MAMDC4: variants seen among roughly 807,000 people sequenced by gnomAD.
The protein encoded by MAMDC4 is MAM domain containing 4.
In MAMDC4, 168 loss-of-function variants were observed where a neutral mutation model predicts 153.3. The ratio of observed to expected loss-of-function variants is 1.10; its 90% CI spans 0.97 to 1.25. MAMDC4 has a LOEUF of 1.25. Among genes scored for constraint, MAMDC4 ranks in the 50% most tolerant of loss-of-function variants. The pLI, the probability that MAMDC4 is intolerant of heterozygous loss-of-function variation, is 0.00. For synonymous variants in MAMDC4, 744 were observed against 651.5 expected, an observed-to-expected ratio of 1.14 and a Z score of -2.16; for missense variants, 1,701 against 1,542.8, an observed-to-expected ratio of 1.10 and a Z score of -1.72.
Position 136,853,766 on chromosome 9 carries a change from T to G in MAMDC4, c.455-11T>G. On this transcript the variant is annotated splice_polypyrimidine_tract_variant and intron_variant, in intron 4 of 26. Transcript: ENST00000317446. ...AGGGCCGCAGCTGCCCTGGGACCCC[T>G]GACATTGCAGATGTGGCTGAACTGC... 2 of 1,607,878 alleles carry G rather than the reference T, an allele frequency of 1.2e-6. No homozygotes were observed. Among genetic ancestry groups the G allele is most frequent in the South Asian group, 2.2e-5 (2 of 90,854 alleles).
At position 136,853,619 on chromosome 9, in the gene MAMDC4, G is replaced by T; in HGVS notation, c.403G>T (p.Glu135Ter). ...TAALRSPTLR[E>*]AASSCKLRLW... ...AGCCCTGCGCTCGCCAACCCTGCGA[G>T]AGGCAGCCTCCTCTTGCAAGCTGAG... Residue 135 changes from glutamate (E) to a stop codon, truncating the protein, a stop_gained, in exon 4 of 27, where the codon GAG (glutamate) becomes TAG (stop). Coordinates refer to ENST00000317446, the MANE Select transcript of MAMDC4 (RefSeq NM_206920.3). LOFTEE classifies it high-confidence loss of function. 1 of 1,612,472 alleles carries T rather than the reference G, an allele frequency of 6.2e-7. No individual in the cohort carries two copies. Among genetic ancestry groups the T allele is most frequent in the South Asian group, 1.1e-5 (1 of 91,080 alleles).
In MAMDC4 at chr9:136,857,602, A is replaced by T; in HGVS notation, c.2326+16A>T. ...ACAGCCCAAGGTATGGGGGCCTGGC[A>T]GGGGCAGGGATTGAGGGGCTGGCCA... On this transcript the variant is annotated intron_variant, in intron 18 of 26. Coordinates refer to ENST00000317446, the MANE Select transcript of MAMDC4 (RefSeq NM_206920.3). The T allele has an allele frequency of 1.2e-6, 2 of 1,612,474 alleles. No individual in the cohort carries two copies. Among genetic ancestry groups the T allele is most frequent in the Middle Eastern group, 1.6e-4 (1 of 6,062 alleles).
chr9:136,853,474 GTC>G lies in MAMDC4; in HGVS notation c.328+20_328+21del, dbSNP rs777626946. 24 of 1,607,746 alleles carry G rather than the reference GTC, an allele frequency of 1.5e-5. No individual in the cohort carries two copies. Among genetic ancestry groups the G allele is most frequent in the Non-Finnish European group, 1.9e-5 (22 of 1,176,622 alleles). On this transcript the variant is annotated intron_variant, in intron 3 of 26. Coordinates refer to ENST00000317446, the MANE Select transcript of MAMDC4 (RefSeq NM_206920.3). ...ACCGACTTGGGTGAGGCCAGGGCAA[GTC>G]TCTGTGCGCCCCTGTCCCAATACCC...
At chr9:136,859,487 C>T in intron 25 of MAMDC4, 170 bp downstream of exon 25, 3 of 681,554 alleles carry the variant, frequency 4.4e-6, no homozygotes, top group Middle Eastern at 4.1e-4. Context: ...CTCTGCCCTG[C>T]TCACCCCTGG....
rs763573731 is a variant in MAMDC4, at chr9:136,854,757, C to T, written c.935-5C>T. The T allele has an allele frequency of 5.6e-5, 90 of 1,612,644 alleles. No homozygotes were observed. The Middle Eastern group carries it at 9.9e-4, about 18-fold the overall frequency. On this transcript the variant is annotated splice_region_variant and splice_polypyrimidine_tract_variant and intron_variant, in intron 8 of 26. Transcript: ENST00000317446. ...GCCCTGGCCCACTCCCGTCCTTTCC[C>T]GCAGGCTCCTTCCTGGTCTCCGTGG...
intron 25 of MAMDC4, 33 bp downstream of exon 25, chr9:136,859,350 A>G (rs757408197): frequency 6.4e-7 from 1 of 1,568,338 alleles, no homozygotes; most frequent in South Asian, 1.2e-5. Flanking sequence ...GGCACGGAGG[A>G]GGGCCCAAGG....
chr9:136,858,446 C>A lies in MAMDC4; in HGVS notation c.2721C>A (p.Ala907=). The A allele has an allele frequency of 6.2e-7, 1 of 1,606,454 alleles. No individual in the cohort carries two copies. ...ESGLCGWSHL[A]WPGLGGYSWD... The stretch of plus-strand genomic sequence containing the variant: ...GCCTGTGTGGCTGGAGCCACCTGGC[C>A]TGGCCCGGCCTGGGCGGATACAGCT... Residue 907 remains alanine (A), a synonymous_variant, in exon 22 of 27, where the codon GCC becomes GCA. Transcript: ENST00000317446.
At position 136,854,772 on chromosome 9, in the gene MAMDC4, G is replaced by T; in HGVS notation, c.945G>T (p.Leu315=). The change falls in exon 9 of 27, where the codon CTG becomes CTT. Residue 315 remains leucine, a synonymous_variant. Coordinates refer to ENST00000317446, the MANE Select transcript of MAMDC4 (RefSeq NM_206920.3). The stretch of plus-strand genomic sequence containing the variant: ...CGTCCTTTCCCGCAGGCTCCTTCCT[G>T]GTCTCCGTGGCCGAGCCTGGCACCC... The part of the protein sequence containing the change: ...HSRNSAQGSF[L]VSVAEPGTPA... 1 of 1,612,752 alleles carries T rather than the reference G, an allele frequency of 6.2e-7. No individual in the cohort carries two copies. The highest frequency in any genetic ancestry group is 8.5e-7 in the Non-Finnish European group (1 of 1,179,854).
intron 15 of MAMDC4, 30 bp downstream of exon 15, chr9:136,856,856 T>C (rs1370816088): frequency 1.9e-6 from 3 of 1,612,454 alleles, no homozygotes; most frequent in Non-Finnish European, 2.5e-6. Context: ...CGGGGGTGGC[T>C]TTCAGACGAG....
Position 136,857,558 on chromosome 9 carries a change from A to G in MAMDC4, c.2298A>G (p.Pro766=), listed in dbSNP as rs1345935520. Residue 766 remains proline (P), a synonymous_variant, in exon 18 of 27, where the codon CCA becomes CCG. Coordinates refer to ENST00000317446, the MANE Select transcript of MAMDC4 (RefSeq NM_206920.3). ...CGGGCCATGCTGCCTGGGGCCCCCCAACAGACCATACCACTGAGACAGCCC... is the reference window on the plus strand; with the variant it reads ...CGGGCCATGCTGCCTGGGGCCCCCCGACAGACCATACCACTGAGACAGCCC... ...NASGHAAWGP[P]TDHTTETAQG... is the part of the protein sequence containing the mutation. 3 of 1,612,192 alleles carry G rather than the reference A, an allele frequency of 1.9e-6. No individual in the cohort carries two copies. Among genetic ancestry groups the G allele is most frequent in the South Asian group, 2.2e-5 (2 of 91,080 alleles).
In MAMDC4 at chr9:136,856,128, T is replaced by C; in HGVS notation, c.1699T>C (p.Tyr567His). The change falls in exon 14 of 27, where the codon TAT (tyrosine) becomes CAT (histidine). Residue 567 changes from tyrosine to histidine, a missense_variant. Tyr to His is a moderately conservative substitution (Grantham distance 83, BLOSUM62 2). Coordinates refer to ENST00000317446, the MANE Select transcript of MAMDC4 (RefSeq NM_206920.3). Reference protein sequence around the residue: ...GPSCELHLAYYLQSQPREVSC... With the variant: ...GPSCELHLAYHLQSQPREVSC... ...CAGCTGTGAACTCCACCTGGCTTAT[T>C]ATTTACAGAGCCAGCCCCGAGGTAC... 2 of 1,612,346 alleles carry C rather than the reference T, an allele frequency of 1.2e-6. No homozygotes were observed. The highest frequency in any genetic ancestry group is 1.7e-6 in the Non-Finnish European group (2 of 1,179,826).
chr9:136,857,142 A>T (rs774785451), intron 16 of MAMDC4, 23 bp from the exon 17 acceptor site: 62 of 1,612,116 alleles, frequency 3.8e-5, no homozygotes, highest in South Asian at 3.7e-4. Context: ...GAGGTCAGTT[A>T]TGGACTGGTC....
rs767401085 is a variant in MAMDC4, at chr9:136,854,043, G to A, written c.637G>A (p.Asp213Asn). ...NATHRGAVALDDLEFWDCGLP... is the reference protein window; with the variant it reads ...NATHRGAVALNDLEFWDCGLP... ...CACCCACAGGGGCGCTGTGGCTCTAGATGACCTAGAGTTCTGGGACTGTGG... is the reference window on the plus strand; with the variant it reads ...CACCCACAGGGGCGCTGTGGCTCTAAATGACCTAGAGTTCTGGGACTGTGG... The change falls in exon 6 of 27, where the codon GAT (aspartate) becomes AAT (asparagine). Residue 213 changes from aspartate to asparagine, a missense_variant. Physicochemically the swap from Asp to Asn is conservative, Grantham distance 23. Coordinates refer to ENST00000317446, the MANE Select transcript of MAMDC4 (RefSeq NM_206920.3). The A allele has an allele frequency of 6.8e-6, 11 of 1,612,798 alleles. No homozygotes were observed. The highest frequency in any genetic ancestry group is 7.6e-6 in the Non-Finnish European group (9 of 1,179,966).
chr9:136,853,291 AC>A lies in MAMDC4; in HGVS notation c.162del (p.His54GlnfsTer89). On this transcript the variant is annotated frameshift_variant, in exon 3 of 27. Coordinates refer to ENST00000317446, the MANE Select transcript of MAMDC4 (RefSeq NM_206920.3). LOFTEE classifies it high-confidence loss of function. ...TGACCACCCACTCTCCCAGGTTACC[AC>A]GGGGCCTCGCCCACCCTGGGCGCCC... ...DCSDEAQCGY[H>X]GASPTLGAPF... 1 of 1,603,250 alleles carries A rather than the reference AC, an allele frequency of 6.2e-7. No homozygotes were observed. Among genetic ancestry groups the A allele is most frequent in the Non-Finnish European group, 8.5e-7 (1 of 1,173,028 alleles).
chr9:136,852,940 G>A (rs1331161335), intron 1 of MAMDC4, among the ~76,000 whole-genome samples, 162 bp from the exon 2 acceptor site: 1 of 152,240 alleles, frequency 6.6e-6, no homozygotes, highest in Non-Finnish European at 1.5e-5. Flanking sequence ...CCTGAGCCGG[G>A]TGGGAGTTCT....
rs1848996106 is a variant in MAMDC4, at chr9:136,855,785, G to GGGCGGCTGCAGT, written c.1532_1543dup (p.Leu511_Arg514dup). 1 of 1,558,546 alleles carries GGGCGGCTGCAGT rather than the reference G, an allele frequency of 6.4e-7. No homozygotes were observed. On this transcript the variant is annotated inframe_insertion, in exon 13 of 27. Coordinates refer to ENST00000317446, the MANE Select transcript of MAMDC4 (RefSeq NM_206920.3). ...TGGGGGCTGGGAGGACGCCAGCGTGGGGCGGCTGCAGTGGCGGCGTGTCTC... is the reference window on the plus strand; with the variant it reads ...TGGGGGCTGGGAGGACGCCAGCGTGGGGCGGCTGCAGTGGCGGCTGCAGTGGCGGCGTGTCTC...
chr9:136,855,838 A>AGCT lies in MAMDC4; in HGVS notation c.1586_1588dup (p.Ala529dup), dbSNP rs2131235332. The AGCT allele has an allele frequency of 1.3e-6, 2 of 1,512,204 alleles. No homozygotes were observed. Among genetic ancestry groups the AGCT allele is most frequent in the East Asian group, 4.9e-5 (2 of 41,016 alleles). 93.7% of individuals were successfully genotyped at this position (1,512,204 alleles called of 1,614,324 possible). A position where few individuals can be genotyped will look rare whatever the true frequency, so the allele number is the denominator to read the frequency against. ...CCCAGGAGAGCCAGGGGTCCAGTGCAGCTGCTGCTGGTGAGGCCCAAGGCC... is the reference window on the plus strand; with the variant it reads ...CCCAGGAGAGCCAGGGGTCCAGTGCAGCTGCTGCTGCTGGTGAGGCCCAAGGCC... On this transcript the variant is annotated inframe_insertion, in exon 13 of 27. Coordinates refer to ENST00000317446, the MANE Select transcript of MAMDC4 (RefSeq NM_206920.3).
chr9:136,857,789 C>A lies in MAMDC4; in HGVS notation c.2457C>A (p.Arg819=), dbSNP rs1463517655. The part of the protein sequence containing the change: ...CLTFWYHGSL[R]SPGTLRVYLE... ...CCTTCTGGTACCACGGGAGCCTCCGCAGCCCAGGTGAGGGGCTTTGGGAGG... is the reference window on the plus strand; with the variant it reads ...CCTTCTGGTACCACGGGAGCCTCCGAAGCCCAGGTGAGGGGCTTTGGGAGG... Residue 819 remains arginine (R), a synonymous_variant, in exon 19 of 27, where the codon CGC becomes CGA. Coordinates refer to ENST00000317446, the MANE Select transcript of MAMDC4 (RefSeq NM_206920.3). The A allele has an allele frequency of 1.2e-6, 2 of 1,612,208 alleles. No individual in the cohort carries two copies. The highest frequency in any genetic ancestry group is 8.5e-7 in the Non-Finnish European group (1 of 1,179,694).
chr9:136,857,019 C>T lies in MAMDC4; in HGVS notation c.1950C>T (p.Tyr650=). 6.2e-7 allele frequency: 1 copy of T among 1,611,970 alleles called. No individual in the cohort carries two copies. Among genetic ancestry groups the T allele is most frequent in the Non-Finnish European group, 8.5e-7 (1 of 1,179,440 alleles). ...CCACGGAGTGTCTCAGCTTCTGGTACCACCTCCATGGGCCCCAGATTGGTG... is the reference window on the plus strand; with the variant it reads ...CCACGGAGTGTCTCAGCTTCTGGTATCACCTCCATGGGCCCCAGATTGGTG... ...AAPTECLSFW[Y]HLHGPQIGTL... Residue 650 remains tyrosine, a synonymous_variant, in exon 16 of 27, where the codon TAC becomes TAT. Transcript: ENST00000317446.
Sources: allele counts gnomAD v4.1 joint callset (sites outside exome capture counted in the v4.1 genomes callset), GRCh38; gene constraint gnomAD v4.1.1; transcripts MANE v1.5; gene names NCBI Gene and HGNC (gene_info 2026-07-23, HGNC 2026-07-21).